The following ASCC3 variants were observed in gnomAD, a reference collection of about 807,000 sequenced individuals.
ASCC3 encodes ASC-1 complex subunit P200.
A neutral mutation model predicts 256.3 loss-of-function variants in ASCC3; 158 were observed. The ratio of observed to expected loss-of-function variants is 0.62; its 90% confidence interval spans 0.54 to 0.70. The LOEUF is 0.70. Ranked by LOEUF, ASCC3 falls within the 30% of genes least tolerant of loss-of-function variation. The pLI, the probability that ASCC3 is intolerant of heterozygous loss-of-function variation, is 0.00. For missense variants in ASCC3, 2,259 were observed against 2,626.0 expected, an observed-to-expected ratio of 0.86 and a Z score of 3.05; for synonymous variants, 948 against 883.4, an observed-to-expected ratio of 1.07 and a Z score of -1.30.
At chr6:100,734,525 C>T (rs1780055484) in intron 10 of ASCC3, among the ~76,000 whole-genome samples, 1 of 152,144 alleles carries the variant, frequency 6.6e-6, no homozygotes, top group Non-Finnish European at 1.5e-5. Flanking sequence ...ATTTTCTCAT[C>T]TGTAAAATGG....
chr6:100,834,662 T>C (rs74507499), intron 4 of ASCC3, among the ~76,000 whole-genome samples: 1,565 of 152,262 alleles, frequency 0.01, 26 homozygotes, highest in African/African-American at 0.035. Context: ...GCTAGCATAA[T>C]TTTTTTAAAA....
intron 10 of ASCC3, among the ~76,000 whole-genome samples, chr6:100,727,341 T>G (rs1268613324): frequency 3.3e-5 from 5 of 151,998 alleles, no homozygotes; most frequent in Non-Finnish European, 7.4e-5. Flanking sequence ...AATCCGCGTA[T>G]TCACAGACTT....
rs183651453 is a variant in ASCC3 at position 100,511,879 on chromosome 6, G to C, written c.6285+830C>G. 2.5e-4 allele frequency among the ~76,000 whole-genome samples: 38 copies of C among 152,258 alleles called. No homozygotes were observed. In the East Asian group the frequency reaches 6.6e-3, roughly 26 times the overall value. On this transcript the variant is annotated intron_variant, in intron 40 of 41. Coordinates refer to ENST00000369162, the MANE Select transcript of ASCC3 (RefSeq NM_006828.4). ...AAGTTACTGATCATTTTGTGTGTGAGAACAGAAGGGACAATACTTATGAAC... is the reference window on the plus strand; with the variant it reads ...AAGTTACTGATCATTTTGTGTGTGACAACAGAAGGGACAATACTTATGAAC...
rs563816291 is a variant in ASCC3 at position 100,667,083 on chromosome 6, T to C, written c.2287-4547A>G. 7.9e-5 allele frequency among the ~76,000 whole-genome samples: 12 copies of C among 152,224 alleles called. 1 individual carries two copies. Among genetic ancestry groups the C allele is most frequent in the Non-Finnish European group, 1.6e-4 (11 of 68,038 alleles). On this transcript the variant is annotated intron_variant, in intron 14 of 41. Transcript: ENST00000369162. ...AAACTTTGTTATTTATGACATGATA[T>C]TGTCATTTATGACAAAATTATGTCT...
intron 12 of ASCC3, among the ~76,000 whole-genome samples, chr6:100,716,743 G>A (rs771773497): frequency 3.3e-5 from 5 of 151,822 alleles, no homozygotes; most frequent in African/African-American, 7.2e-5. Context: ...TGATGGTAAC[G>A]TACTGTAGTG....
chr6:100,590,156 TTTA>T (rs1771929748), intron 34 of ASCC3, 97 bp from the exon 35 acceptor site: 1 of 849,104 alleles, frequency 1.2e-6, no homozygotes, highest in Non-Finnish European at 1.9e-6. Context: ...ATAATCCCCT[TTTA>T]TTATAAAACC....
chr6:100,731,956 G>T (rs553354182), intron 10 of ASCC3, among the ~76,000 whole-genome samples: 2 of 152,150 alleles, frequency 1.3e-5, no homozygotes, highest in Non-Finnish European at 2.9e-5. Context: ...GAGGTCAGGA[G>T]TTCGAGAACA....
intron 34 of ASCC3, among the ~76,000 whole-genome samples, chr6:100,596,890 T>G (rs558480529): frequency 6.6e-6 from 1 of 152,238 alleles, no homozygotes; most frequent in South Asian, 2.1e-4. Context: ...ATGCCCTATA[T>G]CACCACTGGC....
chr6:100,605,721 A>G (rs753294806), intron 32 of ASCC3, 21 bp from the exon 33 acceptor site: 1 of 1,612,768 alleles, frequency 6.2e-7, no homozygotes, highest in Non-Finnish European at 8.5e-7. Flanking sequence ...GAGAACAAAG[A>G]GATATTCTAC....
chr6:100,516,449 C>T lies in ASCC3; in HGVS notation c.5928-122G>A, dbSNP rs887061253. 7.3e-6 allele frequency: 9 copies of T among 1,236,070 alleles called. No homozygotes were observed. The African/African-American group carries it at 9.2e-5, about 13-fold the overall frequency. The allele number at this position is 1,236,070 out of a possible 1,614,324, so 76.6% of individuals were successfully genotyped here. A position where few individuals can be genotyped will look rare whatever the true frequency, so the allele number is the denominator to read the frequency against. ...TAATTAAGAAATAACATTTTAAGAC[C>T]ATTATGCTAAGTTTAAAAATTCAGC... On this transcript the variant is annotated intron_variant, in intron 38 of 41. Coordinates refer to ENST00000369162, the MANE Select transcript of ASCC3 (RefSeq NM_006828.4).
chr6:100,864,969 T>G (rs1392829740), intron 2 of ASCC3, among the ~76,000 whole-genome samples: 1 of 152,174 alleles, frequency 6.6e-6, no homozygotes, highest in Non-Finnish European at 1.5e-5. Flanking sequence ...TCATGAAGCT[T>G]TCAAACCAAA....
chr6:100,536,102 T>G (rs1479489846), intron 37 of ASCC3, among the ~76,000 whole-genome samples: 1 of 152,178 alleles, frequency 6.6e-6, no homozygotes, highest in Non-Finnish European at 1.5e-5. Flanking sequence ...AAAAGAACTG[T>G]AAACAACTAC....
intron 17 of ASCC3, 83 bp from the exon 18 acceptor site, chr6:100,652,972 A>C: frequency 7.5e-7 from 1 of 1,342,256 alleles, no homozygotes; most frequent in Non-Finnish European, 1.0e-6. Flanking sequence ...TGGAAATTAA[A>C]ACTTTTCTTA....
At chr6:100,731,081 T>C (rs529287953) in intron 10 of ASCC3, among the ~76,000 whole-genome samples, 2 of 152,080 alleles carry the variant, frequency 1.3e-5, no homozygotes, top group South Asian at 4.2e-4. Context: ...AAATAAATGA[T>C]ACTATTTTTA....
chr6:100,574,617 C>A (rs1770764946), intron 36 of ASCC3, among the ~76,000 whole-genome samples: 1 of 151,668 alleles, frequency 6.6e-6, no homozygotes, highest in Non-Finnish European at 1.5e-5. Flanking sequence ...TATTTAATCA[C>A]CAACCTTTGG....
At chr6:100,743,405 T>G (rs1780525155) in intron 10 of ASCC3, among the ~76,000 whole-genome samples, 1 of 152,138 alleles carries the variant, frequency 6.6e-6, no homozygotes, top group South Asian at 2.1e-4. Flanking sequence ...ATAAGCTGAT[T>G]CTTGACTCAT....
At chr6:100,815,236 C>T (rs1052096866) in intron 4 of ASCC3, among the ~76,000 whole-genome samples, 12 of 151,906 alleles carry the variant, frequency 7.9e-5, no homozygotes, top group Admixed American at 6.6e-4. Flanking sequence ...ACAAAAGGAA[C>T]TACAAAACAC....
At chr6:100,625,398 G>A (rs2145358) in intron 29 of ASCC3, 64 bp from the exon 30 acceptor site, 2 of 1,564,134 alleles carry the variant, frequency 1.3e-6, no homozygotes, top group African/African-American at 1.4e-5. Flanking sequence ...AATTTCATTA[G>A]GATATCAAAT....
intron 33 of ASCC3, 28 bp downstream of exon 33, chr6:100,605,540 C>A (rs766749600): frequency 6.4e-6 from 9 of 1,410,904 alleles, no homozygotes; most frequent in South Asian, 2.4e-5. Flanking sequence ...TAAATAAATC[C>A]ATTTAAACTA....
Sources: gnomAD v4.1 joint callset for allele counts (sites outside exome capture counted in the v4.1 genomes callset) on GRCh38, gnomAD v4.1.1 for gene constraint, MANE v1.5 for transcripts, NCBI Gene and HGNC (gene_info 2026-07-23, HGNC 2026-07-21) for gene names.